The following NETO2 variants were observed in gnomAD, a reference collection of about 807,000 sequenced individuals.
NETO2 encodes neuropilin and tolloid like 2.
In NETO2, 28 loss-of-function variants were observed where a neutral mutation model predicts 62.5. The observed-to-expected ratio is 0.45, with a 90% CI of 0.33 to 0.61. The LOEUF (loss-of-function observed/expected upper bound fraction) is 0.61, where lower values mean the gene tolerates loss of function less well. Ranked by LOEUF, NETO2 falls within the 20% of genes least tolerant of loss-of-function variation. The pLI is 0.02. For synonymous variants in NETO2, 214 were observed against 219.1 expected (o/e 0.98, Z 0.21); for missense variants, 548 against 643.2 (o/e 0.85, Z 1.60).
chr16:47,116,593 CTCTT>C (rs1380965030), intron 6 of NETO2, among the ~76,000 whole-genome samples: 1 of 152,006 alleles, frequency 6.6e-6, no homozygotes, highest in Non-Finnish European at 1.5e-5. Context: ...CTTATAATGT[CTCTT>C]TGTCTGTTGG....
At position 47,143,621 on chromosome 16, in the gene NETO2, G is replaced by A. The variant is rs1415419456; in HGVS notation, c.-9C>T. The A allele has an allele frequency of 1.6e-6, 2 of 1,221,420 alleles. No individual in the cohort carries two copies. Among genetic ancestry groups the A allele is most frequent in the Non-Finnish European group, 2.0e-6 (2 of 977,790 alleles). The allele number at this position is 1,221,420 out of a possible 1,614,324, so 75.7% of individuals were successfully genotyped here. On this transcript the variant is annotated 5_prime_UTR_variant, in exon 1 of 9. Coordinates refer to ENST00000562435, the MANE Select transcript of NETO2 (RefSeq NM_018092.5). ...AGCCGCTCCAGGGCCATGTTCCCGA[G>A]CTGCCCGGCGCTTCGCGAAGGGCTG...
Position 47,082,928 on chromosome 16 carries a change from C to T in NETO2, c.*293G>A, listed in dbSNP as rs74724581. On this transcript the variant is annotated 3_prime_UTR_variant, in exon 9 of 9. Coordinates refer to ENST00000562435, the MANE Select transcript of NETO2 (RefSeq NM_018092.5). ...GCTAAAACGAAGAGGCAGCCTGAGC[C>T]TGGCTCCATCCAACCACCTCTTCTA... The T allele has an allele frequency of 0.015, 4,519 of 301,702 alleles. 59 individuals are homozygous for T. Among genetic ancestry groups the T allele is most frequent in the Non-Finnish European group, 0.021 (3,536 of 164,470 alleles). The allele number at this position is 301,702 out of a possible 1,614,324, so 18.7% of individuals were successfully genotyped here.
intron 1 of NETO2, among the ~76,000 whole-genome samples, chr16:47,134,339 T>C (rs1181253496): frequency 6.6e-6 from 1 of 152,218 alleles, no homozygotes; most frequent in Non-Finnish European, 1.5e-5. Flanking sequence ...CTTCCCTTTT[T>C]TTGGTTGATG....
intron 7 of NETO2, among the ~76,000 whole-genome samples, chr16:47,104,785 T>C (rs1963635055): frequency 6.6e-6 from 1 of 152,192 alleles, no homozygotes; most frequent in Non-Finnish European, 1.5e-5. Context: ...AGTGGCACGA[T>C]CTCGGCTCGC....
chr16:47,105,562 A>C (rs1475423931), intron 7 of NETO2, among the ~76,000 whole-genome samples: 1 of 152,154 alleles, frequency 6.6e-6, no homozygotes, highest in Non-Finnish European at 1.5e-5. Context: ...AAGACAACAA[A>C]CAGAGTGCAA....
At chr16:47,105,309 C>A (rs1313634173) in intron 7 of NETO2, among the ~76,000 whole-genome samples, 2 of 152,018 alleles carry the variant, frequency 1.3e-5, no homozygotes, top group African/African-American at 4.8e-5. Flanking sequence ...GAAGTTGGAG[C>A]CTTAACTTAC....
At chr16:47,122,365 C>T (rs897198323) in intron 6 of NETO2, among the ~76,000 whole-genome samples, 3 of 152,138 alleles carry the variant, frequency 2.0e-5, no homozygotes, top group African/African-American at 7.2e-5. Context: ...TCAGTATGCA[C>T]ACTCACCAAT....
chr16:47,143,053 G>A (rs2151498497), intron 1 of NETO2, among the ~76,000 whole-genome samples: 1 of 152,014 alleles, frequency 6.6e-6, no homozygotes, highest in South Asian at 2.1e-4. Context: ...GCAGCAGGTG[G>A]GACCCGGCTG....
At chr16:47,119,893 T>TA (rs1964003091) in intron 6 of NETO2, among the ~76,000 whole-genome samples, 1 of 152,212 alleles carries the variant, frequency 6.6e-6, no homozygotes, top group Admixed American at 6.5e-5. Context: ...CTTCCTTTGT[T>TA]AGCTGAGCAC....
chr16:47,106,289 C>G (rs1447963477), intron 7 of NETO2, among the ~76,000 whole-genome samples: 1 of 151,814 alleles, frequency 6.6e-6, no homozygotes, highest in Non-Finnish European at 1.5e-5. Flanking sequence ...TAGAGGTTAC[C>G]AGGGTAGGGA....
intron 6 of NETO2, among the ~76,000 whole-genome samples, chr16:47,114,453 T>G (rs1483974302): frequency 1.6e-5 from 2 of 124,334 alleles, no homozygotes; most frequent in African/African-American, 6.2e-5. Context: ...TTTTTTTTTT[T>G]TTTTTTTTTT....
chr16:47,094,741 C>T (rs774681525), intron 7 of NETO2, among the ~76,000 whole-genome samples: 34 of 151,520 alleles, frequency 2.2e-4, no homozygotes, highest in Admixed American at 7.9e-4. Flanking sequence ...TTTTTTGAGA[C>T]GGGGTCTTGC....
chr16:47,080,418 T>C lies in NETO2; in HGVS notation c.*2803A>G, dbSNP rs967309631. The stretch of plus-strand genomic sequence containing the variant: ...ATACTGTGTAATGAATTCCACAAGA[T>C]TGCTAAATTTCATGTCTTCTGTTAT... On this transcript the variant is annotated 3_prime_UTR_variant, in exon 9 of 9. Transcript: ENST00000562435. The C allele has an allele frequency of 1.3e-5, 2 of 152,220 alleles. No homozygotes were observed. Among genetic ancestry groups the C allele is most frequent in the African/African-American group, 4.8e-5 (2 of 41,446 alleles). 9.4% of individuals were successfully genotyped at this position (152,220 alleles called of 1,614,324 possible).
chr16:47,086,084 C>A, intron 8 of NETO2, 142 bp downstream of exon 8: 1 of 660,346 alleles, frequency 1.5e-6, no homozygotes, highest in Non-Finnish European at 2.7e-6. Flanking sequence ...CCAGCCTGGG[C>A]GACAGAGCAG....
rs144054886 is a variant in NETO2 at position 47,083,490 on chromosome 16, C to G, written c.1309G>C (p.Asp437His). 2 of 1,614,106 alleles carry G rather than the reference C, an allele frequency of 1.2e-6. No individual in the cohort carries two copies. Among genetic ancestry groups the G allele is most frequent in the South Asian group, 2.2e-5 (2 of 91,042 alleles). ...GAGGCCTGCGACCCACAGTGGTGGT[C>G]GTGGATGCAGCGGGAGGCGGTGGAG... ...RSSTASRCIH[D>H]HHCGSQASSV... The change falls in exon 9 of 9, where the codon GAC becomes CAC. Residue 437 changes from aspartate (D) to histidine (H), a missense_variant. Transcript: ENST00000562435.
intron 7 of NETO2, among the ~76,000 whole-genome samples, chr16:47,088,088 C>T (rs532893181): frequency 4.6e-5 from 7 of 152,220 alleles, no homozygotes; most frequent in African/African-American, 1.7e-4. Context: ...GACAGAAGCC[C>T]AAAAACCTTA....
chr16:47,094,107 T>C (rs1430291713), intron 7 of NETO2, among the ~76,000 whole-genome samples: 1 of 152,178 alleles, frequency 6.6e-6, no homozygotes, highest in Admixed American at 6.5e-5. Flanking sequence ...TAACCAGCCC[T>C]GCCCAAATGT....
chr16:47,083,268 T>G lies in NETO2; in HGVS notation c.1531A>C (p.Arg511=). The G allele has an allele frequency of 6.2e-7, 1 of 1,613,852 alleles. No individual in the cohort carries two copies. The highest frequency in any genetic ancestry group is 1.1e-5 in the South Asian group (1 of 91,048). ...GCTTGTGCAGAATCTTCTCGCCCCCTGACATAAATTTCACAGGGAATCTCC... is the reference window on the plus strand; with the variant it reads ...GCTTGTGCAGAATCTTCTCGCCCCCGGACATAAATTTCACAGGGAATCTCC... ...MEEIPCEIYV[R]GREDSAQASI... The change falls in exon 9 of 9, where the codon AGG becomes CGG. Residue 511 remains arginine (R), a synonymous_variant. Coordinates refer to ENST00000562435, the MANE Select transcript of NETO2 (RefSeq NM_018092.5).
chr16:47,120,005 A>G (rs960095246), intron 6 of NETO2, among the ~76,000 whole-genome samples: 3 of 152,212 alleles, frequency 2.0e-5, no homozygotes, highest in Admixed American at 2.0e-4. Context: ...ATACTGTGTA[A>G]TTTAAATCTT....
Sources: gnomAD v4.1 joint callset for allele counts (sites outside exome capture counted in the v4.1 genomes callset) on GRCh38, gnomAD v4.1.1 for gene constraint, MANE v1.5 for transcripts, NCBI Gene and HGNC (gene_info 2026-07-23, HGNC 2026-07-21) for gene names.